The following CUBN variants were observed in gnomAD, a reference collection of about 807,000 sequenced individuals.
CUBN encodes the protein 460 kDa receptor.
CUBN carries 282 observed loss-of-function variants against 405.3 expected under a neutral mutation model. That is an observed-to-expected ratio of 0.70 (90% CI 0.63 to 0.77). The LOEUF is 0.77. Among genes scored for constraint, CUBN ranks in the 30% least tolerant of loss-of-function variants. The pLI is 0.00. For missense variants in CUBN, 4,514 were observed against 4,475.2 expected (o/e 1.01, Z -0.25); for synonymous variants, 1,684 against 1,617.0 (o/e 1.04, Z -0.99).
At chr10:17,012,399 C>T (rs1834210135) in intron 28 of CUBN, among the ~76,000 whole-genome samples, 1 of 152,172 alleles carries the variant, frequency 6.6e-6, no homozygotes, top group Non-Finnish European at 1.5e-5. Context: ...AACACTCTTT[C>T]CCAAAGAAGG....
rs767744034 is a variant in CUBN, at chr10:16,928,308, G to A, written c.6125-5C>T. On this transcript the variant is annotated splice_region_variant and splice_polypyrimidine_tract_variant and intron_variant, in intron 40 of 66. Coordinates refer to ENST00000377833, the MANE Select transcript of CUBN (RefSeq NM_001081.4). ...GCTGGGCCAAGTTATTATCTCCTAC[G>A]TTGAAAGAAAGGGAACAACATGAAA... The A allele has an allele frequency of 3.9e-5, 63 of 1,613,328 alleles. No individual in the cohort carries two copies. The highest frequency in any genetic ancestry group is 6.6e-5 in the South Asian group (6 of 91,050).
At chr10:16,955,157 G>A (rs1843018650) in intron 31 of CUBN, among the ~76,000 whole-genome samples, 1 of 151,812 alleles carries the variant, frequency 6.6e-6, no homozygotes, top group African/African-American at 2.4e-5. Flanking sequence ...GATCACCTGA[G>A]GTCAGGAGTT....
chr10:16,887,135 C>T (rs1840844523), intron 56 of CUBN, among the ~76,000 whole-genome samples: 2 of 152,154 alleles, frequency 1.3e-5, no homozygotes. Context: ...TTGTCGAACA[C>T]CTATGTTGAC....
chr10:16,826,343 T>C (rs770484707), intron 66 of CUBN, among the ~76,000 whole-genome samples: 23 of 152,282 alleles, frequency 1.5e-4, no homozygotes, highest in Admixed American at 2.6e-4. Flanking sequence ...GGAGTATACA[T>C]ACAAAAGTAT....
At chr10:16,831,228 C>G in intron 65 of CUBN, 24 bp downstream of exon 65, 1 of 1,611,966 alleles carries the variant, frequency 6.2e-7, no homozygotes. Context: ...CAGTGCTTTC[C>G]TGTACAAAGT....
intron 31 of CUBN, among the ~76,000 whole-genome samples, chr10:16,963,939 T>C (rs1223827435): frequency 6.6e-6 from 1 of 152,194 alleles, no homozygotes; most frequent in Non-Finnish European, 1.5e-5. Context: ...GAAATCTCAT[T>C]AGCAGTTTCC....
intron 28 of CUBN, among the ~76,000 whole-genome samples, chr10:17,013,624 G>T (rs150015471): frequency 6.6e-6 from 1 of 152,176 alleles, no homozygotes; most frequent in Non-Finnish European, 1.5e-5. Context: ...TCCCCCAGAG[G>T]TTAGGAACTC....
rs767952803 is a variant in CUBN at position 16,869,710 on chromosome 10, C to T, written c.9380G>A (p.Ser3127Asn). 8 of 1,613,908 alleles carry T rather than the reference C, an allele frequency of 5.0e-6. No individual in the cohort carries two copies. Among genetic ancestry groups the T allele is most frequent in the African/African-American group, 1.3e-5 (1 of 74,862 alleles). ...ATCTGTCTTGAACACCAGGAGCATACTATTATTGCTGCTCTTCACATTTGG... is the reference window on the plus strand; with the variant it reads ...ATCTGTCTTGAACACCAGGAGCATATTATTATTGCTGCTCTTCACATTTGG... The part of the protein sequence containing the change: ...RPPNVKSSNN[S>N]MLLVFKTDSF... The change falls in exon 59 of 67, where the codon AGT becomes AAT. Residue 3127 changes from serine to asparagine, a missense_variant. Coordinates refer to ENST00000377833, the MANE Select transcript of CUBN (RefSeq NM_001081.4).
intron 58 of CUBN, among the ~76,000 whole-genome samples, chr10:16,870,131 C>T (rs191823956): frequency 7.6e-4 from 116 of 152,312 alleles, no homozygotes; most frequent in Non-Finnish European, 1.3e-4. Context: ...AATTCACAGT[C>T]TAGGGCATAT....
At chr10:17,121,392 T>C (rs1837037086) in intron 6 of CUBN, among the ~76,000 whole-genome samples, 1 of 152,034 alleles carries the variant, frequency 6.6e-6, no homozygotes, top group Non-Finnish European at 1.5e-5. Flanking sequence ...TCATGTCCTT[T>C]GTAGGGACAT....
intron 40 of CUBN, among the ~76,000 whole-genome samples, chr10:16,931,082 C>T (rs144254630): frequency 0.019 from 2,834 of 151,406 alleles, 44 homozygotes; most frequent in African/African-American, 0.039. Flanking sequence ...CAGTGAAACC[C>T]CACCTCTACT....
intron 22 of CUBN, among the ~76,000 whole-genome samples, chr10:17,056,017 T>C (rs1835387425): frequency 6.6e-6 from 1 of 152,090 alleles, no homozygotes; most frequent in South Asian, 2.1e-4. Flanking sequence ...TAATATACAA[T>C]ATGAAATTAT....
intron 26 of CUBN, among the ~76,000 whole-genome samples, chr10:17,042,313 C>A (rs929995016): frequency 3.3e-5 from 5 of 152,146 alleles, no homozygotes; most frequent in African/African-American, 7.2e-5. Flanking sequence ...ATAGGCATCA[C>A]GTGCCTCGAT....
intron 64 of CUBN, among the ~76,000 whole-genome samples, chr10:16,833,694 A>G (rs1159443308): frequency 2.0e-5 from 3 of 152,194 alleles, no homozygotes; most frequent in Non-Finnish European, 2.9e-5. Context: ...GAAGCAGAAG[A>G]TGTTTTGTTG....
intron 27 of CUBN, among the ~76,000 whole-genome samples, chr10:17,031,417 G>A (rs192053403): frequency 2.1e-4 from 32 of 152,182 alleles, no homozygotes; most frequent in Admixed American, 7.8e-4. Flanking sequence ...TTATTACTCC[G>A]TTTTACAGAA....
chr10:16,946,057 A>C (rs769159224), intron 36 of CUBN, among the ~76,000 whole-genome samples: 23 of 152,340 alleles, frequency 1.5e-4, no homozygotes, highest in Non-Finnish European at 2.6e-4. Context: ...GGTCCTCAAA[A>C]CAATCCTCTT....
At chr10:16,953,140 G>T (rs777562292) in intron 32 of CUBN, among the ~76,000 whole-genome samples, 2 of 152,220 alleles carry the variant, frequency 1.3e-5, no homozygotes, top group Admixed American at 6.5e-5. Context: ...CATGATCAGA[G>T]CAGGGCTTTT....
chr10:16,966,986 C>A (rs913843367), intron 31 of CUBN, among the ~76,000 whole-genome samples: 8 of 152,062 alleles, frequency 5.3e-5, no homozygotes, highest in Non-Finnish European at 8.8e-5. Flanking sequence ...CGAACTTCTC[C>A]AAAATAGAGG....
At chr10:16,875,901 T>A (rs1280124909) in intron 57 of CUBN, among the ~76,000 whole-genome samples, 1 of 152,212 alleles carries the variant, frequency 6.6e-6, no homozygotes, top group Non-Finnish European at 1.5e-5. Context: ...ATCCTTCTCT[T>A]TATTCAACAA....
Sources: gnomAD v4.1 joint callset for allele counts (sites outside exome capture counted in the v4.1 genomes callset) on GRCh38, gnomAD v4.1.1 for gene constraint, MANE v1.5 for transcripts, NCBI Gene and HGNC (gene_info 2026-07-23, HGNC 2026-07-21) for gene names.